Variants in EVL observed in about 807,000 individuals in gnomAD.
The protein encoded by EVL is Enah/Vasp-like, also known as ena/VASP-like protein.
Under a neutral mutation model 59.6 loss-of-function variants are expected in EVL, and 21 were observed. That is an observed-to-expected ratio of 0.35 (90% CI 0.25 to 0.51). The LOEUF is 0.51. EVL is among the 20% of genes least tolerant of loss of function. The probability of loss-of-function intolerance (pLI) is 0.97; values close to 1 mark genes in which losing one functional copy is unlikely to be tolerated. For missense variants in EVL, 462 were observed against 546.6 expected, an observed-to-expected ratio of 0.85 and a Z score of 1.54; for synonymous variants, 198 against 203.5, an observed-to-expected ratio of 0.97 and a Z score of 0.23.
intron 1 of EVL, among the ~76,000 whole-genome samples, chr14:100,033,750 A>G (rs1215164411): frequency 6.6e-6 from 1 of 152,178 alleles, no homozygotes; most frequent in African/African-American, 2.4e-5. Flanking sequence ...TGTCATGTCC[A>G]TTTTACAGAT....
intron 1 of EVL, among the ~76,000 whole-genome samples, chr14:100,001,769 G>A (rs894322496): frequency 3.9e-5 from 6 of 152,236 alleles, no homozygotes; most frequent in African/African-American, 1.4e-4. Flanking sequence ...TACAGGGACT[G>A]TGTAGACAAG....
At chr14:100,138,064 T>C in intron 11 of EVL, 2 of 576,254 alleles carry the variant, frequency 3.5e-6, no homozygotes, top group Non-Finnish European at 6.2e-6. Flanking sequence ...CAACATGGAG[T>C]CCCAGCTCTG....
At position 100,004,740 on chromosome 14, in the gene EVL, T is replaced by C. The variant is rs146219389; in HGVS notation, c.5+32683T>C. Among the ~76,000 whole-genome samples, 703 of 152,298 alleles carry C rather than the reference T, an allele frequency of 4.6e-3. 3 individuals are homozygous for C. Among genetic ancestry groups the C allele is most frequent in the African/African-American group, 0.016 (666 of 41,556 alleles). Reference sequence around the variant, plus strand: ...GCTTTCTTACCAAAAAATACCTCTTTATTGCTGTAACTTTCTATATATTTC... The same window carrying C: ...GCTTTCTTACCAAAAAATACCTCTTCATTGCTGTAACTTTCTATATATTTC... On this transcript the variant is annotated intron_variant, in intron 1 of 13. Coordinates refer to the EVL transcript ENST00000402714.
At position 100,089,118 on chromosome 14, in the gene EVL, T is replaced by C. The variant is rs143901037; in HGVS notation, c.180+4263T>C. 6.4e-3 allele frequency among the ~76,000 whole-genome samples: 974 copies of C among 152,316 alleles called. 26 individuals carry two copies. The highest frequency in any genetic ancestry group is 0.052 in the Admixed American group (795 of 15,300). ...CATAGCATCCCTACATTTGTATGAA[T>C]CCATTCATATATCTTCAAAACACAT... On this transcript the variant is annotated intron_variant, in intron 2 of 13. Coordinates refer to ENST00000392920, the MANE Select transcript of EVL (RefSeq NM_016337.3).
At chr14:100,049,275 G>A (rs2061607626) in intron 1 of EVL, among the ~76,000 whole-genome samples, 1 of 152,174 alleles carries the variant, frequency 6.6e-6, no homozygotes, top group Non-Finnish European at 1.5e-5. Context: ...TATAGCTTGG[G>A]AAATAAACAG....
At position 100,097,683 on chromosome 14, in the gene EVL, G is replaced by A. The variant is rs116798814; in HGVS notation, c.358+25G>A. 1,808 of 1,579,934 alleles carry A rather than the reference G, an allele frequency of 1.1e-3. 19 individuals carry two copies. In the African/African-American group the frequency reaches 0.021, roughly 19 times the overall value. ...GGTAAGTAGGGCTTTGTCTTGGCCT[G>A]ATGCTGAGACCCTCTCTTGTTCTAC... On this transcript the variant is annotated intron_variant, in intron 3 of 13. Transcript: ENST00000392920.
intron 1 of EVL, among the ~76,000 whole-genome samples, chr14:100,058,042 C>T (rs1407552458): frequency 6.6e-6 from 1 of 152,096 alleles, no homozygotes; most frequent in Non-Finnish European, 1.5e-5. Flanking sequence ...CTTTCATTCA[C>T]AAACATCCCA....
intron 3 of EVL, among the ~76,000 whole-genome samples, chr14:100,119,941 AAGG>A (rs1887590923): frequency 6.6e-6 from 1 of 152,128 alleles, no homozygotes; most frequent in South Asian, 2.1e-4. Context: ...TCACTGTACA[AAGG>A]AGGGCACCTC....
chr14:99,994,112 CTTTTTTTT>C (rs751533422), intron 1 of EVL, among the ~76,000 whole-genome samples: 2 of 55,166 alleles, frequency 3.6e-5, no homozygotes, highest in African/African-American at 8.8e-5. Context: ...AGCCTTTTGG[CTTTTTTTT>C]TTTTTTTTTT....
intron 1 of EVL, among the ~76,000 whole-genome samples, chr14:99,983,803 T>C (rs1377992946): frequency 6.6e-6 from 1 of 152,162 alleles, no homozygotes; most frequent in Non-Finnish European, 1.5e-5. Context: ...GAAACATCAC[T>C]TCCTCAGGGA....
Position 100,122,710 on chromosome 14 carries a change from A to G in EVL, c.359-829A>G, listed in dbSNP as rs764043234. 4.6e-5 allele frequency among the ~76,000 whole-genome samples: 7 copies of G among 152,188 alleles called. No homozygotes were observed. In the South Asian group the frequency reaches 1.0e-3, roughly 23 times the overall value. ...TCACTGCGACTCTCTGCAGTTCCCT[A>G]GTGACACCTGAGCTGGCAGAGAAGG... is the stretch of plus-strand genomic sequence containing the variant. On this transcript the variant is annotated intron_variant, in intron 3 of 13. Transcript: ENST00000392920.
At chr14:100,069,389 C>G (rs1275188502) in intron 1 of EVL, among the ~76,000 whole-genome samples, 3 of 152,208 alleles carry the variant, frequency 2.0e-5, no homozygotes, top group Admixed American at 6.5e-5. Context: ...CTCGCACAGC[C>G]GGGGTTCAGC....
chr14:100,048,685 C>A (rs2061595817), intron 1 of EVL, among the ~76,000 whole-genome samples: 1 of 152,100 alleles, frequency 6.6e-6, no homozygotes, highest in South Asian at 2.1e-4. Context: ...GCCCAAATGT[C>A]CTTTGATTAA....
At chr14:100,082,169 T>TC (rs1373686422) in intron 1 of EVL, among the ~76,000 whole-genome samples, 6 of 146,970 alleles carry the variant, frequency 4.1e-5, no homozygotes, top group Admixed American at 1.3e-4. Context: ...GCCTCCCCTG[T>TC]CCCCCCCTCC....
chr14:100,136,498 A>G (rs1021571922), intron 9 of EVL, among the ~76,000 whole-genome samples: 3 of 152,178 alleles, frequency 2.0e-5, no homozygotes, highest in African/African-American at 4.8e-5. Flanking sequence ...GAGGCTTCGC[A>G]GGGGAGGAAG....
At chr14:100,005,009 T>C (rs1307730663) in intron 1 of EVL, among the ~76,000 whole-genome samples, 1 of 152,236 alleles carries the variant, frequency 6.6e-6, no homozygotes, top group African/African-American at 2.4e-5. Context: ...CTAATTATTT[T>C]ATTCTAATCA....
chr14:100,065,422 G>A lies in EVL; in HGVS notation c.-79G>A. The A allele has an allele frequency of 7.6e-7, 1 of 1,316,232 alleles. No individual in the cohort carries two copies. The highest frequency in any genetic ancestry group is 2.5e-5 in the South Asian group (1 of 40,692). 81.5% of individuals were successfully genotyped at this position (1,316,232 alleles called of 1,614,324 possible). ...TCAAGTTGCTGTCTTCAGAGGGTCT[G>A]TGGTCCTCTGATCAACATAGGCTGG... On this transcript the variant is annotated 5_prime_UTR_variant, in exon 1 of 14. It adds an upstream start codon to the 5' untranslated region. Transcript: ENST00000392920.
rs1373059202 is a variant in EVL at position 100,087,203 on chromosome 14, T to C, written c.180+2348T>C. Among the ~76,000 whole-genome samples, 4 of 152,216 alleles carry C rather than the reference T, an allele frequency of 2.6e-5. No individual in the cohort carries two copies. The South Asian group carries it at 6.2e-4, about 24-fold the overall frequency. On this transcript the variant is annotated intron_variant, in intron 2 of 13. Coordinates refer to ENST00000392920, the MANE Select transcript of EVL (RefSeq NM_016337.3). ...CTAAATAGGTGGACATAAAACCAGG[T>C]AATCAGTTATGGAGAAAATATATAG...
chr14:100,101,569 G>A (rs2140327403), intron 3 of EVL, among the ~76,000 whole-genome samples: 1 of 152,274 alleles, frequency 6.6e-6, no homozygotes, highest in South Asian at 2.1e-4. Flanking sequence ...CTTGAACCCA[G>A]GAGGCAGAGG....
Sources: allele counts gnomAD v4.1 joint callset (sites outside exome capture counted in the v4.1 genomes callset), GRCh38; gene constraint gnomAD v4.1.1; transcripts MANE v1.5; gene names NCBI Gene and HGNC (gene_info 2026-07-23, HGNC 2026-07-21).